C9orf50: variants seen among roughly 807,000 people sequenced by gnomAD.
The protein encoded by C9orf50 is chromosome 9 open reading frame 50.
In C9orf50, 33 loss-of-function variants were observed where a neutral mutation model predicts 42.5. That is an observed-to-expected ratio of 0.78 (90% CI 0.59 to 1.04). C9orf50 has a LOEUF of 1.04. C9orf50 is among the 50% of genes least tolerant of loss of function. The pLI, the probability that C9orf50 is intolerant of heterozygous loss-of-function variation, is 0.00. For missense variants in C9orf50, 547 were observed against 594.3 expected (o/e 0.92, Z 0.83); for synonymous variants, 257 against 273.4 (o/e 0.94, Z 0.59).
intron 3 of C9orf50, 105 bp from the exon 4 acceptor site, chr9:129,615,752 T>C: frequency 1.6e-6 from 2 of 1,243,698 alleles, no homozygotes; most frequent in Non-Finnish European, 1.1e-6. Context: ...TGCCCTACAC[T>C]GGTCTTGAAG....
Position 129,620,535 on chromosome 9 carries a change from C to T in C9orf50, c.40G>A (p.Ala14Thr). ...CCGTCGCCAGGGAGCCCCTTGGGCG[C>T]CAGGTCCTGGGCCCCTGGGCGAAGT... Residue 14 changes from alanine (A) to threonine (T), a missense_variant, in exon 1 of 7, where the codon GCG (alanine) becomes ACG (threonine). Physicochemically the swap from Ala to Thr is moderately conservative, Grantham distance 58 (BLOSUM62 0). Around this residue, in one of 3 missense-constraint regions of C9orf50, gnomAD observed 105 missense variants for 98.5 expected, o/e 1.07. Coordinates refer to ENST00000372478, the Ensembl canonical transcript of C9orf50. The surrounding 1 kb of genome is among the most constrained non-coding windows in gnomAD (Gnocchi z 5.8). 1.4e-6 allele frequency: 2 copies of T among 1,444,060 alleles called. No individual in the cohort carries two copies. The highest frequency in any genetic ancestry group is 2.6e-4 in the Middle Eastern group (1 of 3,858). 89.5% of individuals were successfully genotyped at this position (1,444,060 alleles called of 1,614,324 possible).
chr9:129,618,379 A>T lies in C9orf50; in HGVS notation c.716+1141T>A, dbSNP rs1341098673. ...TAATAAAAGTTAGAGTAAGAAATGGACAAATGATGGTGGGATGGGTAAAAT... is the reference window on the plus strand; with the variant it reads ...TAATAAAAGTTAGAGTAAGAAATGGTCAAATGATGGTGGGATGGGTAAAAT... On this transcript the variant is annotated intron_variant, in intron 3 of 6. Coordinates refer to ENST00000372478, the Ensembl canonical transcript of C9orf50. 3.9e-5 allele frequency among the ~76,000 whole-genome samples: 6 copies of T among 152,318 alleles called. No homozygotes were observed. The East Asian group carries it at 7.7e-4, about 20-fold the overall frequency.
rs995422237 is a variant in C9orf50, at chr9:129,613,307, T to C, written c.1044-56A>G. The C allele has an allele frequency of 3.2e-6, 5 of 1,567,188 alleles. No individual in the cohort carries two copies. The African/African-American group carries it at 6.8e-5, about 21-fold the overall frequency. On this transcript the variant is annotated intron_variant, in intron 5 of 6. Coordinates refer to ENST00000372478, the Ensembl canonical transcript of C9orf50. The surrounding 1 kb of genome is among the most constrained non-coding windows in gnomAD (Gnocchi z 6.2). ...GGACTCTGAGTCCCCGGCCCACCCA[T>C]GGCTGGCAGGGCCCTTGAGGACCCA...
chr9:129,617,791 C>T (rs1830468370), intron 3 of C9orf50, among the ~76,000 whole-genome samples: 1 of 152,176 alleles, frequency 6.6e-6, no homozygotes, highest in African/African-American at 2.4e-5. Context: ...TCAAGCAATC[C>T]TCCCACCTCA....
At chr9:129,617,704 G>T (rs1271827380) in intron 3 of C9orf50, among the ~76,000 whole-genome samples, 1 of 152,060 alleles carries the variant, frequency 6.6e-6, no homozygotes, top group African/African-American at 2.4e-5. Flanking sequence ...TGTTTTTTGA[G>T]ACAGGGTCTT....
Position 129,619,938 on chromosome 9 carries a change from C to A in C9orf50, c.509-108G>T. 2.0e-6 allele frequency: 3 copies of A among 1,494,172 alleles called. No individual in the cohort carries two copies. The South Asian group carries it at 3.5e-5, about 17-fold the overall frequency. 92.6% of individuals were successfully genotyped at this position (1,494,172 alleles called of 1,614,324 possible). ...AGCCCTCAAGGACGGGTTGCGAGGGCTCTGAGATACTCAGCTAACATTAGC... is the reference window on the plus strand; with the variant it reads ...AGCCCTCAAGGACGGGTTGCGAGGGATCTGAGATACTCAGCTAACATTAGC... On this transcript the variant is annotated intron_variant, in intron 1 of 6. Coordinates refer to ENST00000372478, the Ensembl canonical transcript of C9orf50.
At chr9:129,617,537 T>C (rs1394289086) in intron 3 of C9orf50, among the ~76,000 whole-genome samples, 1 of 152,252 alleles carries the variant, frequency 6.6e-6, no homozygotes, top group Non-Finnish European at 1.5e-5. Context: ...TGTGAAAGTC[T>C]GTAACTGTGT....
upstream of C9orf50, among the ~76,000 whole-genome samples, chr9:129,621,841 C>T (rs1416420234): frequency 6.6e-6 from 1 of 152,204 alleles, no homozygotes; most frequent in Non-Finnish European, 1.5e-5. Flanking sequence ...TGGTGGGCTT[C>T]TGGGTGGGGC....
chr9:129,612,358 C>G (rs1290901535), exon 7 of C9orf50: 2 of 1,613,620 alleles, frequency 1.2e-6, no homozygotes, highest in African/African-American at 1.3e-5. Context: ...CACCTCTTAT[C>G]TGGCTGCAGT....
intron 2 of C9orf50, 24 bp downstream of exon 2, chr9:129,619,716 A>C (rs1279009255): frequency 6.2e-7 from 1 of 1,613,302 alleles, no homozygotes; most frequent in African/African-American, 1.3e-5. Context: ...CCCCGTCCCC[A>C]CCAAGAAGCG....
chr9:129,615,584 T>C, exon 4 of C9orf50: 2 of 1,606,930 alleles, frequency 1.2e-6, no homozygotes. Context: ...GCCTAGAGCC[T>C]TCCCCCGAGG....
intron 3 of C9orf50, among the ~76,000 whole-genome samples, 179 bp from the exon 4 acceptor site, chr9:129,615,826 C>T (rs1271779670): frequency 6.6e-6 from 1 of 152,244 alleles, no homozygotes; most frequent in Non-Finnish European, 1.5e-5. Context: ...CAGGCAGGCT[C>T]AAGCACGCAC....
At chr9:129,619,620 G>A in exon 3 of C9orf50, 1 of 1,614,050 alleles carries the variant, frequency 6.2e-7, no homozygotes, top group Non-Finnish European at 8.5e-7. Flanking sequence ...CTATCCTGGA[G>A]GTGCGATGAC....
At chr9:129,619,558 A>C (rs1157821060) in exon 3 of C9orf50, 1 of 1,614,068 alleles carries the variant, frequency 6.2e-7, no homozygotes, top group Admixed American at 1.7e-5. Flanking sequence ...GTGAGTGATC[A>C]CCCTTCAGGG....
chr9:129,612,257 C>T (rs1830129769), exon 7 of C9orf50: 3 of 1,122,816 alleles, frequency 2.7e-6, no homozygotes, highest in Admixed American at 4.1e-5. Context: ...AGGTCCCAGC[C>T]ACCTGGGATG....
At chr9:129,619,698 G>A (rs1204094597) in intron 2 of C9orf50, 42 bp downstream of exon 2, 3 of 1,612,140 alleles carry the variant, frequency 1.9e-6, no homozygotes, top group Admixed American at 3.3e-5. Context: ...TGGAAACATC[G>A]ATGGCAACCC....
At chr9:129,612,536 AG>A (rs1300423330) in intron 6 of C9orf50, 82 bp from the exon 7 acceptor site, 16 of 1,097,054 alleles carry the variant, frequency 1.5e-5, no homozygotes, top group African/African-American at 3.1e-5. Flanking sequence ...TCTGTGCTGA[AG>A]CCCTGTTGGG....
intron 6 of C9orf50, 97 bp from the exon 7 acceptor site, chr9:129,612,551 G>A (rs1478633108): frequency 8.9e-6 from 8 of 896,820 alleles, no homozygotes; most frequent in Middle Eastern, 4.9e-4. Context: ...TGTTGGGCAG[G>A]TAGTGCTGTC....
chr9:129,612,246 C>T, exon 7 of C9orf50: 1 of 965,558 alleles, frequency 1.0e-6, no homozygotes, highest in Non-Finnish European at 1.6e-6. Context: ...CACCTACTGG[C>T]AGGTCCCAGC....
Sources: gnomAD v4.1 joint callset for allele counts (sites outside exome capture counted in the v4.1 genomes callset) on GRCh38, gnomAD v4.1.1 for gene constraint, gnomAD v4.1.1 regional missense constraint, Gnocchi (gnomAD v3.1) non-coding constraint, MANE v1.5 for transcripts, NCBI Gene and HGNC (gene_info 2026-07-23, HGNC 2026-07-21) for gene names.